The following ACAD10 variants were observed in gnomAD, a reference collection of about 807,000 sequenced individuals.
ACAD10 encodes the protein acyl-CoA dehydrogenase family member 10, also known as ACAD-10.
ACAD10 carries 112 observed loss-of-function variants against 116.8 expected under a neutral mutation model. The observed-to-expected ratio is 0.96, with a 90% confidence interval of 0.82 to 1.12. ACAD10 has a LOEUF of 1.12. ACAD10 is among the 50% of genes most tolerant of loss of function. The pLI is 0.00. For missense variants in ACAD10, 1,259 were observed against 1,350.2 expected, an observed-to-expected ratio of 0.93 and a Z score of 1.06; for synonymous variants, 486 against 510.6, an observed-to-expected ratio of 0.95 and a Z score of 0.65.
intron 8 of ACAD10, among the ~76,000 whole-genome samples, chr12:111,727,340 C>T (rs1391550408): frequency 2.0e-5 from 3 of 151,904 alleles, no homozygotes; most frequent in African/African-American, 4.8e-5. Context: ...CTGGCTAACA[C>T]GGTGAAATCC....
chr12:111,754,721 T>C (rs1890161447), intron 19 of ACAD10, among the ~76,000 whole-genome samples: 1 of 152,214 alleles, frequency 6.6e-6, no homozygotes, highest in Non-Finnish European at 1.5e-5. Context: ...CCAGGGCAGA[T>C]CACTGTAGCT....
At chr12:111,733,803 C>T (rs983391197) in intron 10 of ACAD10, 120 bp from the exon 11 acceptor site, 4 of 1,290,454 alleles carry the variant, frequency 3.1e-6, no homozygotes, top group African/African-American at 2.9e-5. Flanking sequence ...GCTCAGGCAC[C>T]CGGGCACAGA....
intron 2 of ACAD10, among the ~76,000 whole-genome samples, chr12:111,701,762 A>G (rs903273923): frequency 3.9e-5 from 6 of 152,232 alleles, no homozygotes; most frequent in African/African-American, 7.2e-5. Context: ...ACTATAGCCT[A>G]TAGAAGGAAG....
intron 12 of ACAD10, among the ~76,000 whole-genome samples, chr12:111,740,798 AAAAAG>A (rs1566164511): frequency 3.3e-5 from 5 of 151,124 alleles, no homozygotes; most frequent in Admixed American, 6.6e-5. Flanking sequence ...AAAAAAAAAA[AAAAAG>A]AAAAGAAAAA....
At chr12:111,734,090 T>C (rs1889479806) in intron 11 of ACAD10, 22 bp downstream of exon 11, 4 of 1,613,782 alleles carry the variant, frequency 2.5e-6, no homozygotes, top group South Asian at 1.1e-5. Context: ...TGCTGGAGGA[T>C]AGTGGGGGAG....
At chr12:111,739,197 C>T (rs1413675498) in intron 12 of ACAD10, among the ~76,000 whole-genome samples, 1 of 152,214 alleles carries the variant, frequency 6.6e-6, no homozygotes, top group Non-Finnish European at 1.5e-5. Context: ...GCCAACACCA[C>T]TGAGAGACAG....
At chr12:111,749,445 C>T (rs1303335624) in intron 18 of ACAD10, 100 bp downstream of exon 18, 38 of 1,434,560 alleles carry the variant, frequency 2.6e-5, no homozygotes, top group Middle Eastern at 4.9e-4. Flanking sequence ...GCAGTCCTAG[C>T]AGGTGAAGCA....
intron 10 of ACAD10, 48 bp from the exon 11 acceptor site, chr12:111,733,875 G>T: frequency 6.2e-7 from 1 of 1,611,742 alleles, no homozygotes. Flanking sequence ...ATCCACCCTA[G>T]CCGGCAGTTT....
chr12:111,725,057 C>T (rs1392273847), intron 8 of ACAD10, among the ~76,000 whole-genome samples: 5 of 152,184 alleles, frequency 3.3e-5, no homozygotes, highest in African/African-American at 1.2e-4. Context: ...CCTGTTTACA[C>T]TTCATCTAGA....
chr12:111,753,978 G>A (rs1463099994), intron 19 of ACAD10, 63 bp downstream of exon 19: 1 of 1,518,364 alleles, frequency 6.6e-7, no homozygotes, highest in African/African-American at 1.4e-5. Context: ...ACTCAGCAAA[G>A]CATGAGAGCC....
At chr12:111,729,715 T>C (rs1889331146) in intron 9 of ACAD10, 91 bp from the exon 10 acceptor site, 2 of 1,480,706 alleles carry the variant, frequency 1.4e-6, no homozygotes, top group Non-Finnish European at 1.9e-6. Context: ...GTGCAGAGCA[T>C]GACAAAGGGT....
intron 14 of ACAD10, 107 bp downstream of exon 14, chr12:111,746,391 CT>C (rs35354983): frequency 0.082 from 80,535 of 982,086 alleles, no homozygotes; most frequent in Non-Finnish European, 0.089. Flanking sequence ...TGAACTTGAA[CT>C]TTTTTTTTTT....
At chr12:111,720,845 G>T (rs1479150282) in intron 7 of ACAD10, among the ~76,000 whole-genome samples, 1 of 151,886 alleles carries the variant, frequency 6.6e-6, no homozygotes, top group Non-Finnish European at 1.5e-5. Context: ...GCACAGTGGA[G>T]CGATCTTGGC....
intron 19 of ACAD10, 150 bp downstream of exon 19, chr12:111,754,065 A>T (rs1890143812): frequency 6.0e-6 from 7 of 1,171,622 alleles, no homozygotes; most frequent in Non-Finnish European, 8.2e-6. Flanking sequence ...TTGGAAAGGC[A>T]CAAGAAGAGA....
intron 17 of ACAD10, 107 bp downstream of exon 17, chr12:111,748,582 G>A: frequency 8.0e-7 from 1 of 1,253,072 alleles, no homozygotes; most frequent in Non-Finnish European, 1.1e-6. Context: ...CCACGTCTGA[G>A]GGTATGATGA....
intron 19 of ACAD10, 68 bp from the exon 20 acceptor site, chr12:111,755,600 G>GC: frequency 1.7e-6 from 2 of 1,188,444 alleles, no homozygotes; most frequent in Non-Finnish European, 2.5e-6. Flanking sequence ...ATGGGGGACG[G>GC]GGGGGCCTCA....
chr12:111,744,591 C>A, intron 12 of ACAD10, 52 bp from the exon 13 acceptor site: 5 of 1,567,340 alleles, frequency 3.2e-6, no homozygotes, highest in Non-Finnish European at 4.3e-6. Flanking sequence ...TGTTAACATC[C>A]CTATGATGGG....
Position 111,728,130 on chromosome 12 carries a change from C to A in ACAD10, c.1230C>A (p.Asp410Glu). Residue 410 changes from aspartate to glutamate, a missense_variant, in exon 9 of 21, where the codon GAC becomes GAA. Coordinates refer to ENST00000313698, the MANE Select transcript of ACAD10 (RefSeq NM_025247.6). ...ATCTGCAGGCTGTGGGACTTGAAGA[C>A]TATGGGAAGCAAGGTGAGCAGGAGG... ...SVDLQAVGLEDYGKQGDYIPR... is the reference protein window; with the variant it reads ...SVDLQAVGLEEYGKQGDYIPR... The A allele has an allele frequency of 6.2e-7, 1 of 1,605,042 alleles. No homozygotes were observed. Among genetic ancestry groups the A allele is most frequent in the South Asian group, 1.1e-5 (1 of 89,790 alleles).
Position 111,756,681 on chromosome 12 carries a change from A to G in ACAD10, c.*208A>G, listed in dbSNP as rs1296164152. The G allele has an allele frequency of 1.1e-6, 1 of 875,446 alleles. No individual in the cohort carries two copies. The highest frequency in any genetic ancestry group is 1.4e-5 in the South Asian group (1 of 70,366). 54.2% of individuals were successfully genotyped at this position (875,446 alleles called of 1,614,324 possible). ...CTGGAGTCTGTTTCAGGCCAGGAGG[A>G]GGGGATTTGCTGAGGGCCAAGGGGG... On this transcript the variant is annotated 3_prime_UTR_variant, in exon 21 of 21. Coordinates refer to ENST00000313698, the MANE Select transcript of ACAD10 (RefSeq NM_025247.6).
Sources: allele counts gnomAD v4.1 joint callset (sites outside exome capture counted in the v4.1 genomes callset), GRCh38; gene constraint gnomAD v4.1.1; transcripts MANE v1.5; gene names NCBI Gene and HGNC (gene_info 2026-07-23, HGNC 2026-07-21).